Variants in FOXP1 observed in about 807,000 individuals in gnomAD.
FOXP1 encodes the protein forkhead box P1, also known as forkhead box protein P1.
A neutral mutation model predicts 98.2 loss-of-function variants in FOXP1; 15 were observed. The ratio of observed to expected loss-of-function variants is 0.15; its 90% confidence interval spans 0.10 to 0.24. FOXP1 has a LOEUF of 0.24. Among genes scored for constraint, FOXP1 ranks in the 10% least tolerant of loss-of-function variants. FOXP1 has a pLI of 1.00. For synonymous variants in FOXP1, 371 were observed against 314.5 expected (o/e 1.18, Z -1.90); for missense variants, 633 against 848.5 (o/e 0.75, Z 3.15).
At chr3:70,991,358 G>C (rs1052719655) in intron 13 of FOXP1, among the ~76,000 whole-genome samples, 2 of 152,034 alleles carry the variant, frequency 1.3e-5, no homozygotes, top group Non-Finnish European at 2.9e-5. Flanking sequence ...CCTCAAATTA[G>C]GTTTAAGACA....
At chr3:71,562,002 T>C (rs1005250025) in intron 2 of FOXP1, among the ~76,000 whole-genome samples, 14 of 152,116 alleles carry the variant, frequency 9.2e-5, no homozygotes, top group African/African-American at 3.4e-4. Flanking sequence ...CTTCCATATG[T>C]CTCCATCCTA....
At chr3:71,245,998 A>ACCCCCC (rs55660633) in intron 5 of FOXP1, among the ~76,000 whole-genome samples, 1 of 132,094 alleles carries the variant, frequency 7.6e-6, no homozygotes, top group African/African-American at 2.6e-5. Context: ...TACGAAAACC[A>ACCCCCC]CCCCCCCCCC....
chr3:71,413,639 T>C (rs1012521573), intron 3 of FOXP1, among the ~76,000 whole-genome samples: 1 of 152,200 alleles, frequency 6.6e-6, no homozygotes, highest in African/African-American at 2.4e-5. Context: ...CTTTAGCCTA[T>C]CTTTGTTCAT....
At chr3:71,006,820 A>T (rs190424339) in intron 12 of FOXP1, among the ~76,000 whole-genome samples, 1 of 152,264 alleles carries the variant, frequency 6.6e-6, no homozygotes, top group East Asian at 1.9e-4. Context: ...CATTCAAAAA[A>T]TTTTCCAATG....
intron 3 of FOXP1, among the ~76,000 whole-genome samples, chr3:71,434,712 G>T (rs946530157): frequency 6.6e-6 from 1 of 151,144 alleles, no homozygotes; most frequent in Non-Finnish European, 1.5e-5. Flanking sequence ...AAATGGTGTA[G>T]AGTAGAGTTC....
At chr3:71,206,469 T>C (rs1191822621) in intron 5 of FOXP1, among the ~76,000 whole-genome samples, 1 of 152,160 alleles carries the variant, frequency 6.6e-6, no homozygotes, top group Non-Finnish European at 1.5e-5. Context: ...AGGTAGACAA[T>C]GGGATGTTTA....
intron 4 of FOXP1, among the ~76,000 whole-genome samples, chr3:71,304,058 T>C (rs1279700665): frequency 2.0e-5 from 3 of 152,204 alleles, no homozygotes; most frequent in Non-Finnish European, 4.4e-5. Flanking sequence ...AGTAACATTT[T>C]ACTTCCTTTC....
In FOXP1 at chr3:71,555,036, T is replaced by C. The variant is rs569349168; in HGVS notation, c.-298+26513A>G. On this transcript the variant is annotated intron_variant, in intron 2 of 20. Transcript: ENST00000649528. ...ACAAGCTCAGTTATTTTTAAGCTCA[T>C]AGCTGCCAAAATGGTTTCTTACAAT... is the stretch of plus-strand genomic sequence containing the variant. Among the ~76,000 whole-genome samples the C allele has an allele frequency of 6.6e-5, 10 of 152,342 alleles. No individual in the cohort carries two copies. In the South Asian group the frequency reaches 2.1e-3, roughly 32 times the overall value.
chr3:71,362,224 T>C (rs1226696189), intron 3 of FOXP1, among the ~76,000 whole-genome samples: 1 of 152,162 alleles, frequency 6.6e-6, no homozygotes, highest in African/African-American at 2.4e-5. Context: ...CAGGCTGGAG[T>C]GCAATGGTAT....
At chr3:71,407,346 T>C (rs1405075675) in intron 3 of FOXP1, among the ~76,000 whole-genome samples, 2 of 152,200 alleles carry the variant, frequency 1.3e-5, no homozygotes, top group Non-Finnish European at 2.9e-5. Flanking sequence ...AAAATCATGC[T>C]TCTAATCCTT....
intron 5 of FOXP1, among the ~76,000 whole-genome samples, chr3:71,232,551 A>G (rs1354184364): frequency 1.3e-5 from 2 of 152,078 alleles, no homozygotes; most frequent in African/African-American, 4.8e-5. Flanking sequence ...TCACATCCAT[A>G]GATCTCAAAA....
intron 10 of FOXP1, 74 bp downstream of exon 10, chr3:71,046,866 AAT>A: frequency 6.6e-7 from 1 of 1,513,684 alleles, no homozygotes; most frequent in Non-Finnish European, 9.2e-7. Context: ...GTCCTTAACA[AAT>A]ATACCAAGAG....
In FOXP1 at chr3:70,954,940, C is replaced by T. The variant is rs1033283131; in HGVS notation, c.*4307G>A. On this transcript the variant is annotated 3_prime_UTR_variant, in exon 21 of 21. Coordinates refer to ENST00000649528, the MANE Select transcript of FOXP1 (RefSeq NM_001349338.3). ...CAGCACATATACATGAAGCACCATG[C>T]TCACAGTCCGGACTGTATCATCTTC... 5 of 232,762 alleles carry T rather than the reference C, an allele frequency of 2.1e-5. No individual in the cohort carries two copies. The highest frequency in any genetic ancestry group is 1.1e-4 in the African/African-American group (5 of 45,306). 14.4% of individuals were successfully genotyped at this position (232,762 alleles called of 1,614,324 possible). A position where few individuals can be genotyped will look rare whatever the true frequency, so the allele number is the denominator to read the frequency against.
chr3:71,058,726 G>C (rs1462328833), intron 7 of FOXP1, among the ~76,000 whole-genome samples: 1 of 151,620 alleles, frequency 6.6e-6, no homozygotes, highest in Non-Finnish European at 1.5e-5. Context: ...TAATTAACAA[G>C]TCAATGGATA....
chr3:71,352,372 G>A (rs2077841010), intron 4 of FOXP1, among the ~76,000 whole-genome samples: 1 of 149,522 alleles, frequency 6.7e-6, no homozygotes, highest in Non-Finnish European at 1.5e-5. Flanking sequence ...GGCTGAGGCA[G>A]GAGAATCGCT....
intron 6 of FOXP1, among the ~76,000 whole-genome samples, chr3:71,162,523 A>G (rs1321851075): frequency 1.3e-5 from 2 of 152,206 alleles, no homozygotes; most frequent in Admixed American, 1.3e-4. Flanking sequence ...TTCCAATCCA[A>G]TATCTATTGG....
chr3:71,416,495 T>C (rs1433084231), intron 3 of FOXP1, among the ~76,000 whole-genome samples: 1 of 151,236 alleles, frequency 6.6e-6, no homozygotes, highest in African/African-American at 2.4e-5. Context: ...CAGGGAGCTA[T>C]GATTACACTA....
chr3:71,533,673 C>T (rs1350638731), intron 2 of FOXP1, among the ~76,000 whole-genome samples: 2 of 152,050 alleles, frequency 1.3e-5, no homozygotes, highest in African/African-American at 2.4e-5. Flanking sequence ...AATTATTTTT[C>T]GGGTGTTTTA....
intron 5 of FOXP1, among the ~76,000 whole-genome samples, chr3:71,246,136 GC>G (rs1302072788): frequency 6.6e-6 from 1 of 151,984 alleles, no homozygotes; most frequent in Admixed American, 6.6e-5. Context: ...GCCAGCTCTG[GC>G]CCCGACGCTG....
Sources: gnomAD v4.1 joint callset for allele counts (sites outside exome capture counted in the v4.1 genomes callset) on GRCh38, gnomAD v4.1.1 for gene constraint, MANE v1.5 for transcripts, NCBI Gene and HGNC (gene_info 2026-07-23, HGNC 2026-07-21) for gene names.